The following SORCS2 variants were observed in gnomAD, a reference collection of about 807,000 sequenced individuals.
The protein encoded by SORCS2 is VPS10 domain-containing receptor SorCS2.
A neutral mutation model predicts 141.6 loss-of-function variants in SORCS2; 100 were observed. The observed-to-expected ratio is 0.71, with a 90% confidence interval of 0.60 to 0.83. The LOEUF (loss-of-function observed/expected upper bound fraction) is 0.83. SORCS2 is among the 40% of genes least tolerant of loss of function. The pLI is 0.00. For synonymous variants in SORCS2, 789 were observed against 676.9 expected (o/e 1.17, Z -2.57); for missense variants, 1,646 against 1,560.2 (o/e 1.05, Z -0.93).
chr4:7,214,679 A>T (rs1055933428), intron 1 of SORCS2, among the ~76,000 whole-genome samples: 1 of 152,230 alleles, frequency 6.6e-6, no homozygotes, highest in Admixed American at 6.5e-5. Flanking sequence ...GGATACCTCC[A>T]GTGATGGGAG....
At chr4:7,292,617 G>A (rs947486484) in intron 1 of SORCS2, among the ~76,000 whole-genome samples, 2 of 152,238 alleles carry the variant, frequency 1.3e-5, no homozygotes, top group Non-Finnish European at 2.9e-5. Flanking sequence ...GTTAAAGGGA[G>A]AGAAGACCTG....
chr4:7,399,071 T>C (rs1724403152), intron 2 of SORCS2, among the ~76,000 whole-genome samples: 1 of 152,196 alleles, frequency 6.6e-6, no homozygotes, highest in African/African-American at 2.4e-5. Flanking sequence ...TTTTTTTTGT[T>C]GTTTGTTTCC....
At chr4:7,512,292 C>G (rs1732708746) in intron 2 of SORCS2, among the ~76,000 whole-genome samples, 1 of 148,610 alleles carries the variant, frequency 6.7e-6, no homozygotes, top group Admixed American at 6.9e-5. Flanking sequence ...AATAGCTACC[C>G]AGTAATGGTG....
intron 10 of SORCS2, among the ~76,000 whole-genome samples, chr4:7,685,530 G>A (rs1187602342): frequency 6.6e-6 from 1 of 152,142 alleles, no homozygotes; most frequent in African/African-American, 2.4e-5. Flanking sequence ...AATTAGCCAG[G>A]CATGGTGGCA....
At chr4:7,471,753 C>T (rs550181498) in intron 2 of SORCS2, among the ~76,000 whole-genome samples, 1 of 152,344 alleles carries the variant, frequency 6.6e-6, no homozygotes, top group East Asian at 1.9e-4. Context: ...GGGATCAGGC[C>T]CCTGTCTCTG....
At chr4:7,627,229 C>T (rs1269968878) in intron 3 of SORCS2, among the ~76,000 whole-genome samples, 1 of 152,206 alleles carries the variant, frequency 6.6e-6, no homozygotes, top group Non-Finnish European at 1.5e-5. Flanking sequence ...AAGCGATTCA[C>T]CCACCTCGGC....
intron 3 of SORCS2, among the ~76,000 whole-genome samples, chr4:7,578,910 T>C (rs532217981): frequency 1.5e-4 from 23 of 152,258 alleles, no homozygotes; most frequent in Non-Finnish European, 2.6e-4. Flanking sequence ...AGTTTACTAC[T>C]TCTCACTACT....
At chr4:7,432,025 A>T (rs889974968) in intron 2 of SORCS2, 18 of 152,236 alleles carry the variant, frequency 1.2e-4, no homozygotes, top group African/African-American at 4.3e-4. Flanking sequence ...AGCTGCAAGG[A>T]CACTGCAGGG....
intron 2 of SORCS2, among the ~76,000 whole-genome samples, chr4:7,468,427 G>C (rs1729752333): frequency 6.6e-6 from 1 of 152,230 alleles, no homozygotes; most frequent in African/African-American, 2.4e-5. Flanking sequence ...GAACATGGCA[G>C]TTGCCTGGGA....
chr4:7,327,494 TCA>T (rs989470142), intron 1 of SORCS2, among the ~76,000 whole-genome samples: 1 of 152,186 alleles, frequency 6.6e-6, no homozygotes, highest in African/African-American at 2.4e-5. Flanking sequence ...CCAAGTAAGG[TCA>T]CGTTTTGGGT....
chr4:7,398,933 C>T (rs1724392809), intron 2 of SORCS2, among the ~76,000 whole-genome samples: 1 of 152,222 alleles, frequency 6.6e-6, no homozygotes, highest in Admixed American at 6.5e-5. Flanking sequence ...TTCAATTCTT[C>T]CTCAAGACGA....
chr4:7,450,836 GTGAATGAGTGAA>G (rs1272434646), intron 2 of SORCS2, among the ~76,000 whole-genome samples: 17 of 152,194 alleles, frequency 1.1e-4, no homozygotes, highest in Non-Finnish European at 1.9e-4. Flanking sequence ...GAATGAGTGA[GTGAATGAGTGAA>G]TGGATGGGAG....
intron 3 of SORCS2, among the ~76,000 whole-genome samples, chr4:7,549,321 A>G (rs900789537): frequency 6.6e-6 from 1 of 151,994 alleles, no homozygotes; most frequent in Non-Finnish European, 1.5e-5. Context: ...CTTGAAAGGA[A>G]CTCCCAGCCT....
chr4:7,564,459 A>G (rs1714821032), intron 3 of SORCS2, among the ~76,000 whole-genome samples: 1 of 151,860 alleles, frequency 6.6e-6, no homozygotes, highest in Non-Finnish European at 1.5e-5. Context: ...ATTGGGGCCC[A>G]CTCCGATGAC....
intron 10 of SORCS2, among the ~76,000 whole-genome samples, chr4:7,685,688 A>AATATATATATATATATATATAT (rs5855976): frequency 2.7e-4 from 40 of 149,710 alleles, no homozygotes; most frequent in African/African-American, 9.7e-4. Flanking sequence ...AAAATAAATA[A>AATATATATATATATATATATAT]ATATATATAT....
chr4:7,645,320 G>C (rs1393728273), intron 4 of SORCS2, among the ~76,000 whole-genome samples: 1 of 152,208 alleles, frequency 6.6e-6, no homozygotes, highest in African/African-American at 2.4e-5. Context: ...AGTCCTGTGA[G>C]CTCAAGTCTG....
At chr4:7,685,025 G>A (rs753073228) in intron 10 of SORCS2, among the ~76,000 whole-genome samples, 12 of 152,178 alleles carry the variant, frequency 7.9e-5, no homozygotes, top group Non-Finnish European at 1.6e-4. Context: ...CTCAAGCCCC[G>A]CTCCTGCTGA....
At chr4:7,323,067 A>G (rs1158413287) in intron 1 of SORCS2, among the ~76,000 whole-genome samples, 1 of 152,202 alleles carries the variant, frequency 6.6e-6, no homozygotes, top group Non-Finnish European at 1.5e-5. Context: ...TGAACTGTGC[A>G]TTATTACATA....
chr4:7,692,715 A>T (rs185961399), intron 11 of SORCS2, among the ~76,000 whole-genome samples: 40 of 152,250 alleles, frequency 2.6e-4, no homozygotes, highest in African/African-American at 9.6e-4. Context: ...GGGTATGGGC[A>T]CTCGATTCTT....
Sources: gnomAD v4.1 joint callset for allele counts (sites outside exome capture counted in the v4.1 genomes callset) on GRCh38, gnomAD v4.1.1 for gene constraint, MANE v1.5 for transcripts, NCBI Gene and HGNC (gene_info 2026-07-23, HGNC 2026-07-21) for gene names.